The following NAV1 variants were observed in gnomAD, a reference collection of about 807,000 sequenced individuals.
NAV1 encodes the protein neuron navigator 1, also known as pore membrane and/or filament interacting like protein 3.
NAV1 carries 18 observed loss-of-function variants against 175.2 expected under a neutral mutation model. The ratio of observed to expected loss-of-function variants is 0.10; its 90% confidence interval spans 0.07 to 0.15. The LOEUF is 0.15. NAV1 is among the 10% of genes least tolerant of loss of function. NAV1 has a pLI of 1.00. For synonymous variants in NAV1, 897 were observed against 978.7 expected, an observed-to-expected ratio of 0.92 and a Z score of 1.56; for missense variants, 1,731 against 2,436.6, an observed-to-expected ratio of 0.71 and a Z score of 6.10.
chr1:201,648,413 C>A, exon 1 of NAV1: 1 of 1,229,306 alleles, frequency 8.1e-7, no homozygotes, highest in Non-Finnish European at 1.0e-6. Context: ...TCCGACCCCG[C>A]CCTATCGCTC....
At chr1:201,786,616 G>A (rs747917367) in intron 9 of NAV1, 39 bp downstream of exon 13, 148 of 1,591,250 alleles carry the variant, frequency 9.3e-5, no homozygotes, top group Non-Finnish European at 1.2e-4. Context: ...ATGGGGTGAA[G>A]CAGGGGTCAC....
intron 1 of NAV1, among the ~76,000 whole-genome samples, chr1:201,707,550 A>G (rs1571897886): frequency 6.6e-6 from 1 of 152,178 alleles, no homozygotes; most frequent in African/African-American, 2.4e-5. Context: ...TCTAAGGACT[A>G]TGTTCTTGCC....
intron 1 of NAV1, 133 bp from the exon 6 acceptor site, chr1:201,712,684 G>T (rs1671958649): frequency 2.9e-6 from 2 of 679,000 alleles, no homozygotes; most frequent in Non-Finnish European, 5.4e-6. Flanking sequence ...CTTTGGGAAA[G>T]GGAGGAGGAA....
rs1678393824 is a variant in NAV1, at chr1:201,807,765, A to AC, written c.3649-187dup. On this transcript the variant is annotated intron_variant, in intron 17 of 29. Transcript: ENST00000367296. This position sits in a 1 kb window ranked among gnomAD's most constrained non-coding sequence, Gnocchi z 5.4. ...TCAGCTCACTGCAACCTCTGCCTCCACGGTCCTAATTTCTAGGCAACTCTT... is the reference window on the plus strand; with the variant it reads ...TCAGCTCACTGCAACCTCTGCCTCCACCGGTCCTAATTTCTAGGCAACTCTT... Among the ~76,000 whole-genome samples the AC allele has an allele frequency of 6.6e-6, 1 of 151,958 alleles. No individual in the cohort carries two copies. The highest frequency in any genetic ancestry group is 2.4e-5 in the African/African-American group (1 of 41,390).
At chr1:201,651,218 C>T (rs1404781046) in intron 1 of NAV1, among the ~76,000 whole-genome samples, 1 of 150,784 alleles carries the variant, frequency 6.6e-6, no homozygotes, top group Non-Finnish European at 1.5e-5. Context: ...CACAGAATAG[C>T]AGAAGGCACA....
chr1:201,718,255 G>T lies in NAV1; in HGVS notation c.861-135G>T. On this transcript the variant is annotated intron_variant, in intron 2 of 29. Transcript: ENST00000367296. The surrounding 1 kb of genome is among the most constrained non-coding windows in gnomAD (Gnocchi z 4.8). ...CACAACCAGAGGCCTCATGGAGGAG[G>T]TGGAGCTTGGGCAGGTGGGGAGGAG... 3.5e-6 allele frequency: 3 copies of T among 856,974 alleles called. No individual in the cohort carries two copies. Among genetic ancestry groups the T allele is most frequent in the Non-Finnish European group, 3.4e-6 (2 of 596,000 alleles). The allele number at this position is 856,974 out of a possible 1,614,324, so 53.1% of individuals were successfully genotyped here.
At position 201,557,199 on chromosome 1, in the gene NAV1, T is replaced by C. The variant is rs564627469; in HGVS notation, c.-144+17857T>C. Among the ~76,000 whole-genome samples, 58 of 152,336 alleles carry C rather than the reference T, an allele frequency of 3.8e-4. 1 individual carries two copies. The East Asian group carries it at 0.011, about 28-fold the overall frequency. On this transcript the variant is annotated intron_variant, in intron 1 of 33. Coordinates refer to the NAV1 transcript ENST00000685211. ...CCCCAATCATTCAGCCAGATTGGAT[T>C]GCAATTAGTACCTGAGGCAGGAGCC...
chr1:201,571,381 T>C (rs2205595), intron 1 of NAV1, among the ~76,000 whole-genome samples: 28,785 of 152,226 alleles, frequency 0.19, 3,041 homozygotes, highest in African/African-American at 0.3. Context: ...CTTTCCTACA[T>C]AGTCATGGCT....
chr1:201,589,126 G>A (rs1348523295), intron 2 of NAV1, among the ~76,000 whole-genome samples: 1 of 152,164 alleles, frequency 6.6e-6, no homozygotes, highest in African/African-American at 2.4e-5. Context: ...GGGATTACAG[G>A]CATGAGCCAC....
chr1:201,629,497 C>T (rs1281689641), exon 2 of NAV1: 1 of 1,303,822 alleles, frequency 7.7e-7, no homozygotes, highest in Admixed American at 2.3e-5. Context: ...AGGAGAGCTT[C>T]TCCTGCATGG....
chr1:201,614,517 C>T (rs760347137), intron 2 of NAV1, among the ~76,000 whole-genome samples: 34 of 152,254 alleles, frequency 2.2e-4, no homozygotes, highest in South Asian at 2.1e-4. Flanking sequence ...TCGCCCCCAT[C>T]CTGGGAGATC....
At chr1:201,765,435 C>T (rs1571469898) in intron 3 of NAV1, among the ~76,000 whole-genome samples, 1 of 140,942 alleles carries the variant, frequency 7.1e-6, no homozygotes, top group East Asian at 2.1e-4. Flanking sequence ...TGCTCTTTCA[C>T]CCAGGCTGGA....
exon 7 of NAV1, chr1:201,783,780 C>G: frequency 3.1e-6 from 5 of 1,614,178 alleles, no homozygotes; most frequent in Non-Finnish European, 4.2e-6. Context: ...CCTGCTCCCC[C>G]TGCTGCTCCC....
At chr1:201,792,371 A>G (rs568104070) in intron 13 of NAV1, 1 of 152,314 alleles carries the variant, frequency 6.6e-6, no homozygotes, top group South Asian at 2.1e-4. Flanking sequence ...TACCCCTCTC[A>G]AATGCTAGCC....
chr1:201,761,532 G>T lies in NAV1; in HGVS notation c.1227-18889G>T, dbSNP rs554872793. On this transcript the variant is annotated intron_variant, in intron 3 of 29. Coordinates refer to ENST00000367296, the Ensembl canonical transcript of NAV1. ...TTTCCTCTTTCAGTACTCACTTTGC[G>T]CTCACAGGGTGATCTGAGATCTGAA... Among the ~76,000 whole-genome samples the T allele has an allele frequency of 3.7e-4, 56 of 152,250 alleles. No homozygotes were observed. The South Asian group carries it at 0.011, about 29-fold the overall frequency.
At chr1:201,570,512 T>A (rs1054910762) in intron 1 of NAV1, among the ~76,000 whole-genome samples, 17 of 152,116 alleles carry the variant, frequency 1.1e-4, no homozygotes, top group Admixed American at 2.0e-4. Flanking sequence ...GAATAGAGGA[T>A]AATAGGTCCT....
At chr1:201,590,989 T>C (rs140370956) in intron 2 of NAV1, among the ~76,000 whole-genome samples, 62 of 152,308 alleles carry the variant, frequency 4.1e-4, no homozygotes, top group Middle Eastern at 6.8e-3. Flanking sequence ...CTTAGCACCA[T>C]CTAACCTTCT....
intron 3 of NAV1, among the ~76,000 whole-genome samples, chr1:201,773,933 T>G (rs1048283226): frequency 6.6e-6 from 1 of 152,238 alleles, no homozygotes; most frequent in Non-Finnish European, 1.5e-5. Context: ...TGGGGGTAGA[T>G]GAAAATGACA....
chr1:201,684,425 G>T lies in NAV1; in HGVS notation c.758-28392G>T, dbSNP rs575924288. Among the ~76,000 whole-genome samples the T allele has an allele frequency of 2.5e-4, 38 of 150,922 alleles. No homozygotes were observed. The South Asian group carries it at 7.8e-3, about 31-fold the overall frequency. ...ATTAGTTAATACTGATGTCTGCAAC[G>T]CTAACCTAATAGCACGTGGTTCATT... On this transcript the variant is annotated intron_variant, in intron 1 of 29. Transcript: ENST00000367296.
Sources: gnomAD v4.1 joint callset for allele counts (sites outside exome capture counted in the v4.1 genomes callset) on GRCh38, gnomAD v4.1.1 for gene constraint, Gnocchi (gnomAD v3.1) non-coding constraint, MANE v1.5 for transcripts, NCBI Gene and HGNC (gene_info 2026-07-23, HGNC 2026-07-21) for gene names.